Variants in HNF4G observed in about 807,000 individuals in gnomAD.
The protein encoded by HNF4G is hepatocyte nuclear factor 4 gamma.
Under a neutral mutation model 50.9 loss-of-function variants are expected in HNF4G, and 21 were observed. That is an observed-to-expected ratio of 0.41 (90% CI 0.29 to 0.59). The LOEUF is 0.59. Ranked by LOEUF, HNF4G falls within the 20% of genes least tolerant of loss-of-function variation. The probability of loss-of-function intolerance (pLI) is 0.26; values close to 1 mark genes in which losing one functional copy is unlikely to be tolerated. For missense variants in HNF4G, 527 were observed against 559.4 expected, an observed-to-expected ratio of 0.94 and a Z score of 0.58; for synonymous variants, 198 against 185.6, an observed-to-expected ratio of 1.07 and a Z score of -0.54.
At chr8:75,452,981 T>A (rs1403665280) in intron 1 of HNF4G, among the ~76,000 whole-genome samples, 1 of 152,222 alleles carries the variant, frequency 6.6e-6, no homozygotes, top group African/African-American at 2.4e-5. Flanking sequence ...AATGAGGAAA[T>A]GAATGATTAT....
At chr8:75,510,616 A>G (rs1435308316) in intron 2 of HNF4G, among the ~76,000 whole-genome samples, 1 of 152,100 alleles carries the variant, frequency 6.6e-6, no homozygotes, top group East Asian at 1.9e-4. Context: ...ATAATTGCCT[A>G]TTGTATTCAG....
intron 1 of HNF4G, among the ~76,000 whole-genome samples, chr8:75,440,894 A>G (rs1334265201): frequency 6.6e-6 from 1 of 151,966 alleles, no homozygotes; most frequent in East Asian, 1.9e-4. Flanking sequence ...ATCTTGCTAT[A>G]TTGCCCAGGC....
chr8:75,525,431 G>A (rs1332490642), intron 2 of HNF4G, among the ~76,000 whole-genome samples: 3 of 152,156 alleles, frequency 2.0e-5, no homozygotes, highest in Non-Finnish European at 4.4e-5. Flanking sequence ...GCCTCCCAAA[G>A]TTCTGGAATT....
intron 2 of HNF4G, among the ~76,000 whole-genome samples, chr8:75,508,768 T>C (rs888828583): frequency 2.0e-5 from 3 of 152,004 alleles, no homozygotes; most frequent in Non-Finnish European, 4.4e-5. Context: ...TTCATTAATA[T>C]TGAAGGTTAG....
At chr8:75,463,547 T>C (rs116613748) in intron 1 of HNF4G, among the ~76,000 whole-genome samples, 2,374 of 152,218 alleles carry the variant, frequency 0.016, 38 homozygotes, top group African/African-American at 0.045. Flanking sequence ...TTAAATTTTG[T>C]TCTTCTATTG....
At chr8:75,430,475 AGAGAGAGAGAGAGAGAGAGAGAGAGAGG>A (rs924062169) in intron 1 of HNF4G, among the ~76,000 whole-genome samples, 8 of 34,174 alleles carry the variant, frequency 2.3e-4, no homozygotes, top group African/African-American at 9.9e-4. Context: ...GGTAGGGAGT[AGAGAGAGAGAGAGAGAGAGAGAGAGAGG>A]GAGAGAGAGA....
chr8:75,535,937 T>C (rs922562960), upstream of HNF4G, among the ~76,000 whole-genome samples: 16 of 151,956 alleles, frequency 1.1e-4, no homozygotes, highest in African/African-American at 3.9e-4. Flanking sequence ...CTGCTTGTTA[T>C]GTTGCTCTAA....
At position 75,423,815 on chromosome 8, in the gene HNF4G, C is replaced by CTTTTTTTTT. The variant is rs548125507; in HGVS notation, c.-144+15672_-144+15680dup. Among the ~76,000 whole-genome samples, 37 of 71,214 alleles carry CTTTTTTTTT rather than the reference C, an allele frequency of 5.2e-4. 2 individuals carry two copies. The highest frequency in any genetic ancestry group is 1.2e-3 in the Admixed American group (5 of 4,302). 46.7% of individuals were successfully genotyped at this position (71,214 alleles called of 152,430 possible). A position where few individuals can be genotyped will look rare whatever the true frequency, so the allele number is the denominator to read the frequency against. ...TTGAAACTTTCTGCCAAGTTTCTTTCTTTTTTTTTTTTTTTTTTTTTTTTT... is the reference window on the plus strand; with the variant it reads ...TTGAAACTTTCTGCCAAGTTTCTTTCTTTTTTTTTTTTTTTTTTTTTTTTTTTTTTTTTT... On this transcript the variant is annotated intron_variant, in intron 1 of 10. Coordinates refer to the HNF4G transcript ENST00000354370.
intron 1 of HNF4G, among the ~76,000 whole-genome samples, chr8:75,429,510 T>A (rs1452699878): frequency 6.6e-6 from 1 of 152,180 alleles, no homozygotes; most frequent in Admixed American, 6.5e-5. Context: ...ACCACAGGAA[T>A]CTCTGACTCT....
chr8:75,442,812 G>A (rs1424872003), intron 1 of HNF4G, among the ~76,000 whole-genome samples: 1 of 151,766 alleles, frequency 6.6e-6, no homozygotes, highest in Non-Finnish European at 1.5e-5. Flanking sequence ...AGGTGTTCAG[G>A]GATAAAAATA....
At chr8:75,536,027 C>T (rs1806453860), upstream of HNF4G, among the ~76,000 whole-genome samples, 1 of 151,752 alleles carries the variant, frequency 6.6e-6, no homozygotes, top group African/African-American at 2.4e-5. Context: ...TAAAATTAAC[C>T]TTTTATCTAC....
chr8:75,454,314 C>T (rs1811667040), intron 1 of HNF4G, among the ~76,000 whole-genome samples: 1 of 152,094 alleles, frequency 6.6e-6, no homozygotes, highest in African/African-American at 2.4e-5. Flanking sequence ...TACTTTGTTA[C>T]AGCAAACTGA....
At chr8:75,529,813 T>C (rs1806281602) in intron 2 of HNF4G, among the ~76,000 whole-genome samples, 1 of 152,180 alleles carries the variant, frequency 6.6e-6, no homozygotes, top group South Asian at 2.1e-4. Context: ...TGAATTTGGA[T>C]CACCTTTCTC....
Position 75,558,636 on chromosome 8 carries a change from TGC to T in HNF4G, c.853_854del (p.Ala285LeufsTer9). 6.2e-7 allele frequency: 1 copy of T among 1,613,892 alleles called. No individual in the cohort carries two copies. The part of the protein sequence containing the change: ...QEIQIDDNEY[A>X]CLKAIVFFDP... ...AAATCCAGATTGATGACAATGAGTA[TGC>T]TTGTTTAAAGGCAATTGTATTTTTT... is the stretch of plus-strand genomic sequence containing the variant. On this transcript the variant is annotated frameshift_variant, in exon 7 of 10. Transcript: ENST00000396423. LOFTEE classifies it high-confidence loss of function.
intron 6 of HNF4G, among the ~76,000 whole-genome samples, chr8:75,556,870 C>T (rs1417644872): frequency 3.3e-5 from 5 of 152,142 alleles, no homozygotes; most frequent in African/African-American, 1.2e-4. Context: ...GGTCTAAGTA[C>T]ATTACATGTA....
chr8:75,453,517 G>A (rs78276437), intron 1 of HNF4G, among the ~76,000 whole-genome samples: 38 of 103,382 alleles, frequency 3.7e-4, no homozygotes, highest in African/African-American at 1.3e-3. Flanking sequence ...CCCCCGCCCC[G>A]TAGCCAGCAG....
rs572054744 is a variant in HNF4G at position 75,450,267 on chromosome 8, AGGTTAATTACATGTCTT to A, written c.-143-39819_-143-39803del. On this transcript the variant is annotated intron_variant, in intron 1 of 10. Transcript: ENST00000354370. ...TCTGCTCATTGATTGATGGACACTT[AGGTTAATTACATGTCTT>A]GGCTATTGTGAATAGTGCTGCAATG... Among the ~76,000 whole-genome samples, 1,186 of 152,332 alleles carry A rather than the reference AGGTTAATTACATGTCTT, an allele frequency of 7.8e-3. 14 individuals are homozygous for A. The highest frequency in any genetic ancestry group is 0.011 in the Non-Finnish European group (776 of 68,028).
At chr8:75,470,720 C>A (rs142620670) in intron 1 of HNF4G, among the ~76,000 whole-genome samples, 2 of 152,120 alleles carry the variant, frequency 1.3e-5, no homozygotes, top group African/African-American at 4.8e-5. Flanking sequence ...TTTTTGAAAG[C>A]CTGACATTGT....
intron 1 of HNF4G, among the ~76,000 whole-genome samples, chr8:75,428,445 G>A (rs964351741): frequency 6.6e-6 from 1 of 152,150 alleles, no homozygotes; most frequent in Admixed American, 6.5e-5. Flanking sequence ...TCCAGCTACA[G>A]TAAAGGTAGA....
Sources: allele counts gnomAD v4.1 joint callset (sites outside exome capture counted in the v4.1 genomes callset), GRCh38; gene constraint gnomAD v4.1.1; transcripts MANE v1.5; gene names NCBI Gene and HGNC (gene_info 2026-07-23, HGNC 2026-07-21).